The following EGFLAM variants were observed in gnomAD, a reference collection of about 807,000 sequenced individuals.
EGFLAM encodes EGF like, fibronectin type III and laminin G domains, also known as pikachurin.
Under a neutral mutation model 113.1 loss-of-function variants are expected in EGFLAM, and 79 were observed. The observed-to-expected ratio is 0.70, with a 90% CI of 0.58 to 0.84. The LOEUF (loss-of-function observed/expected upper bound fraction) is 0.84. Ranked by LOEUF, EGFLAM falls within the 40% of genes least tolerant of loss-of-function variation. The probability of loss-of-function intolerance (pLI) is 0.00; values close to 1 mark genes in which losing one functional copy is unlikely to be tolerated. For synonymous variants in EGFLAM, 504 were observed against 487.6 expected, an observed-to-expected ratio of 1.03 and a Z score of -0.44; for missense variants, 1,265 against 1,291.6, an observed-to-expected ratio of 0.98 and a Z score of 0.32.
chr5:38,400,237 A>G (rs1741071487), intron 6 of EGFLAM, among the ~76,000 whole-genome samples: 1 of 152,236 alleles, frequency 6.6e-6, no homozygotes, highest in Non-Finnish European at 1.5e-5. Flanking sequence ...GAAACTCATT[A>G]TTTATAGAAA....
chr5:38,399,669 A>C (rs1308689767), intron 6 of EGFLAM: 1 of 152,144 alleles, frequency 6.6e-6, no homozygotes, highest in Non-Finnish European at 1.5e-5. Context: ...CCACCTCTGT[A>C]GGCAGGGAAA....
intron 1 of EGFLAM, among the ~76,000 whole-genome samples, chr5:38,331,185 C>CT (rs1739030952): frequency 6.6e-6 from 1 of 152,124 alleles, no homozygotes; most frequent in Admixed American, 6.5e-5. Flanking sequence ...CATGCATAGA[C>CT]TCCCCCGTCA....
At chr5:38,277,837 T>A (rs1029426622) in intron 1 of EGFLAM, among the ~76,000 whole-genome samples, 1 of 151,960 alleles carries the variant, frequency 6.6e-6, no homozygotes, top group Non-Finnish European at 1.5e-5. Context: ...AGCAAAGAGG[T>A]GACAGATCTC....
In EGFLAM at chr5:38,427,198, C is replaced by A. The variant is rs563122941; in HGVS notation, c.2000C>A (p.Ala667Glu). Reference sequence around the variant, plus strand: ...AAAGACTTCCTGTCCATCAACTTGGCAGGGGGCCACGTGGAGTTCCGCTTT... The same window carrying A: ...AAAGACTTCCTGTCCATCAACTTGGAAGGGGGCCACGTGGAGTTCCGCTTT... ...GSKDFLSINL[A>E]GGHVEFRFDC... The change falls in exon 14 of 22, where the codon GCA (alanine) becomes GAA (glutamate). Residue 667 changes from alanine to glutamate, a missense_variant. By Grantham distance (107) the Ala-to-Glu change is moderately radical. Coordinates refer to ENST00000322350, the MANE Select transcript of EGFLAM (RefSeq NM_152403.4). The A allele has an allele frequency of 6.2e-7, 1 of 1,614,162 alleles. No individual in the cohort carries two copies. Among genetic ancestry groups the A allele is most frequent in the South Asian group, 1.1e-5 (1 of 91,080 alleles).
At chr5:38,420,933 C>T (rs1741800318) in intron 12 of EGFLAM, among the ~76,000 whole-genome samples, 1 of 152,198 alleles carries the variant, frequency 6.6e-6, no homozygotes, top group Non-Finnish European at 1.5e-5. Flanking sequence ...TGGCATGTGT[C>T]AGCCATGTTG....
intron 19 of EGFLAM, among the ~76,000 whole-genome samples, chr5:38,452,644 C>T (rs1742959469): frequency 6.6e-6 from 1 of 152,210 alleles, no homozygotes; most frequent in African/African-American, 2.4e-5. Context: ...TAAATTCTGA[C>T]TCTGCTCCCT....
intron 4 of EGFLAM, among the ~76,000 whole-genome samples, chr5:38,351,518 A>G (rs1739623983): frequency 6.6e-6 from 1 of 152,184 alleles, no homozygotes; most frequent in African/African-American, 2.4e-5. Context: ...GGCCCGAGTT[A>G]CAAAAAATGC....
chr5:38,347,221 A>C (rs1305030860), intron 3 of EGFLAM, among the ~76,000 whole-genome samples: 1 of 152,190 alleles, frequency 6.6e-6, no homozygotes, highest in East Asian at 1.9e-4. Context: ...ATCTGTTTAC[A>C]TGAGACATCT....
At position 38,370,460 on chromosome 5, in the gene EGFLAM, T is replaced by C. The variant is rs1482107407; in HGVS notation, c.710T>C (p.Leu237Pro). The change falls in exon 6 of 22, where the codon CTC (leucine) becomes CCC (proline). Residue 237 changes from leucine to proline, a missense_variant and splice_region_variant. Leu to Pro is a moderately conservative substitution (Grantham distance 98). Coordinates refer to ENST00000322350, the MANE Select transcript of EGFLAM (RefSeq NM_152403.4). ...RSWPSDIIRTLCPEEAGSGRY... is the reference protein window; with the variant it reads ...RSWPSDIIRTPCPEEAGSGRY... ...TGGCCCAGTGACATCATCCGGACCC[T>C]CTGTGAGTACCAGGGTCCTTCTGAG... is the stretch of plus-strand genomic sequence containing the variant. The C allele has an allele frequency of 6.2e-7, 1 of 1,613,534 alleles. No individual in the cohort carries two copies. Among genetic ancestry groups the C allele is most frequent in the Non-Finnish European group, 8.5e-7 (1 of 1,179,762 alleles).
rs534124185 is a variant in EGFLAM at position 38,258,564 on chromosome 5, C to T, written c.-191C>T. 6 of 628,780 alleles carry T rather than the reference C, an allele frequency of 9.5e-6. No homozygotes were observed. Among genetic ancestry groups the T allele is most frequent in the African/African-American group, 1.9e-5 (1 of 51,810 alleles). 39.0% of individuals were successfully genotyped at this position (628,780 alleles called of 1,614,324 possible). ...TGCAGCTTGCAGCCGGCTTCACTCG[C>T]GCACGCCGACCTCCCGGCTGCAGTC... is the stretch of plus-strand genomic sequence containing the variant. On this transcript the variant is annotated 5_prime_UTR_variant, in exon 1 of 22. Coordinates refer to ENST00000322350, the MANE Select transcript of EGFLAM (RefSeq NM_152403.4).
chr5:38,409,093 C>T lies in EGFLAM; in HGVS notation c.1338C>T (p.Ser446=). 6.3e-7 allele frequency: 1 copy of T among 1,577,254 alleles called. No homozygotes were observed. The highest frequency in any genetic ancestry group is 8.6e-7 in the Non-Finnish European group (1 of 1,159,604). ...DFMSLAIIRR[S]LQFRFNCGTG... Reference sequence around the variant, plus strand: ...TGTCCCTGGCTATCATCCGACGCTCCCTGCAGTTCAGGTAATTCCTGCCAA... The same window carrying T: ...TGTCCCTGGCTATCATCCGACGCTCTCTGCAGTTCAGGTAATTCCTGCCAA... The change falls in exon 10 of 22, where the codon TCC becomes TCT. Residue 446 remains serine, a synonymous_variant. Coordinates refer to ENST00000322350, the MANE Select transcript of EGFLAM (RefSeq NM_152403.4).
intron 1 of EGFLAM, among the ~76,000 whole-genome samples, chr5:38,324,278 G>A (rs1039790354): frequency 1.3e-5 from 2 of 152,102 alleles, no homozygotes; most frequent in African/African-American, 4.8e-5. Flanking sequence ...TTGCCTGATG[G>A]TTTCTCTGGC....
chr5:38,439,744 G>A (rs1742472282), intron 17 of EGFLAM, among the ~76,000 whole-genome samples: 1 of 152,186 alleles, frequency 6.6e-6, no homozygotes, highest in Non-Finnish European at 1.5e-5. Context: ...GCAAATTGCT[G>A]TTTAGCTAAT....
At chr5:38,339,289 C>A (rs2111951973) in intron 3 of EGFLAM, among the ~76,000 whole-genome samples, 1 of 152,116 alleles carries the variant, frequency 6.6e-6, no homozygotes, top group South Asian at 2.1e-4. Flanking sequence ...CATCTATTTT[C>A]TTTTCTGTTT....
chr5:38,412,522 G>A lies in EGFLAM; in HGVS notation c.1368G>A (p.Gly456=), dbSNP rs1714240559. Residue 456 remains glycine, a synonymous_variant, in exon 11 of 22, where the codon GGG becomes GGA. Transcript: ENST00000322350. ...CCAACAGGTTTAATTGTGGAACTGG[G>A]GTTGCCATCATCGTAAGTGAGACCA... ...SLQFRFNCGT[G]VAIIVSETKI... 1 of 1,614,156 alleles carries A rather than the reference G, an allele frequency of 6.2e-7. No homozygotes were observed. Among genetic ancestry groups the A allele is most frequent in the Non-Finnish European group, 8.5e-7 (1 of 1,180,038 alleles).
At chr5:38,462,681 G>C in intron 20 of EGFLAM, 1 of 485,046 alleles carries the variant, frequency 2.1e-6, no homozygotes, top group South Asian at 2.2e-5. Flanking sequence ...GTGGAGTGCT[G>C]GCACTGTGTT....
chr5:38,455,189 G>T (rs1308197483), intron 19 of EGFLAM, among the ~76,000 whole-genome samples: 1 of 152,102 alleles, frequency 6.6e-6, no homozygotes, highest in African/African-American at 2.4e-5. Context: ...ATGATTAAAA[G>T]TGCCACCACA....
chr5:38,365,325 T>C (rs1740031877), intron 5 of EGFLAM, among the ~76,000 whole-genome samples: 1 of 152,176 alleles, frequency 6.6e-6, no homozygotes, highest in South Asian at 2.1e-4. Context: ...GTGTGTGGTG[T>C]TTACTGGGTC....
At chr5:38,345,033 G>A (rs1295416285) in intron 3 of EGFLAM, among the ~76,000 whole-genome samples, 1 of 152,148 alleles carries the variant, frequency 6.6e-6, no homozygotes, top group African/African-American at 2.4e-5. Flanking sequence ...GTGAATGGAG[G>A]GAATGGAAAA....
Sources: gnomAD v4.1 joint callset for allele counts (sites outside exome capture counted in the v4.1 genomes callset) on GRCh38, gnomAD v4.1.1 for gene constraint, MANE v1.5 for transcripts, NCBI Gene and HGNC (gene_info 2026-07-23, HGNC 2026-07-21) for gene names.